RFX2: variants seen among roughly 807,000 people sequenced by gnomAD.
RFX2 encodes the protein regulatory factor X2, also known as DNA-binding protein RFX2.
A neutral mutation model predicts 87.8 loss-of-function variants in RFX2; 20 were observed. The ratio of observed to expected loss-of-function variants is 0.23; its 90% CI spans 0.16 to 0.33. The LOEUF (loss-of-function observed/expected upper bound fraction) is 0.33, where lower values mean the gene tolerates loss of function less well. Among genes scored for constraint, RFX2 ranks in the 10% least tolerant of loss-of-function variants. RFX2 has a pLI of 1.00. For synonymous variants in RFX2, 397 were observed against 431.3 expected, an observed-to-expected ratio of 0.92 and a Z score of 0.98; for missense variants, 767 against 1,012.3, an observed-to-expected ratio of 0.76 and a Z score of 3.29.
rs990973067 is a variant in RFX2 at position 6,064,639 on chromosome 19, G to A, written c.-8-17135C>T. Among the ~76,000 whole-genome samples, 4 of 152,170 alleles carry A rather than the reference G, an allele frequency of 2.6e-5. No homozygotes were observed. The highest frequency in any genetic ancestry group is 1.9e-4 in the East Asian group (1 of 5,192). ...TGTGCCCACCTGGGGATGGGGTCTC[G>A]TCCTGCCTGTGTGACCCTTCCTCCT... On this transcript the variant is annotated intron_variant, in intron 1 of 17. Transcript: ENST00000303657. This position sits in a 1 kb window ranked among gnomAD's most constrained non-coding sequence, Gnocchi z 4.8.
chr19:6,077,518 G>A (rs560392828), intron 1 of RFX2, among the ~76,000 whole-genome samples: 2 of 152,302 alleles, frequency 1.3e-5, no homozygotes, highest in South Asian at 4.1e-4. Context: ...GAGACAAAGA[G>A]CTAGCTATAA....
At position 6,047,609 on chromosome 19, in the gene RFX2, C is replaced by T; in HGVS notation, c.-8-105G>A. Reference sequence around the variant, plus strand: ...GAGGGAAGGAGTAACCAGCTACATTCTTCAAAGTCGAAAGGCAGAGACCCT... The same window carrying T: ...GAGGGAAGGAGTAACCAGCTACATTTTTCAAAGTCGAAAGGCAGAGACCCT... On this transcript the variant is annotated intron_variant, in intron 1 of 17. Transcript: ENST00000303657. The surrounding 1 kb of genome is among the most constrained non-coding windows in gnomAD (Gnocchi z 4.2). 2.2e-6 allele frequency: 2 copies of T among 906,610 alleles called. No homozygotes were observed. Among genetic ancestry groups the T allele is most frequent in the Non-Finnish European group, 3.5e-6 (2 of 579,646 alleles). The allele number at this position is 906,610 out of a possible 1,614,324, so 56.2% of individuals were successfully genotyped here.
intron 1 of RFX2, among the ~76,000 whole-genome samples, chr19:6,076,413 C>T (rs924696861): frequency 2.0e-5 from 3 of 152,186 alleles, no homozygotes; most frequent in Non-Finnish European, 4.4e-5. Flanking sequence ...CCTTACGGTG[C>T]ATCCTAGCTC....
intron 5 of RFX2, among the ~76,000 whole-genome samples, chr19:6,030,450 C>A (rs910321112): frequency 1.1e-4 from 16 of 152,174 alleles, no homozygotes; most frequent in South Asian, 4.1e-4. Flanking sequence ...TAGCCACACA[C>A]AAAAAAATAA....
Position 6,026,970 on chromosome 19 carries a change from G to A in RFX2, c.523-733C>T, listed in dbSNP as rs529534685. Among the ~76,000 whole-genome samples the A allele has an allele frequency of 2.6e-5, 4 of 152,320 alleles. No individual in the cohort carries two copies. Among genetic ancestry groups the A allele is most frequent in the Non-Finnish European group, 5.9e-5 (4 of 68,024 alleles). Reference sequence around the variant, plus strand: ...GATGGAGGTGGGGAGGGAGGTGGGCGGCAGGTCCACGCGATGGAGGAGGCA... The same window carrying A: ...GATGGAGGTGGGGAGGGAGGTGGGCAGCAGGTCCACGCGATGGAGGAGGCA... On this transcript the variant is annotated intron_variant, in intron 5 of 17. Transcript: ENST00000303657. The surrounding 1 kb of genome is among the most constrained non-coding windows in gnomAD (Gnocchi z 4.5).
Position 5,999,929 on chromosome 19 carries a change from C to T in RFX2, c.1859+1886G>A, listed in dbSNP as rs1336861635. ...GTGGCCAGGGGAGTGTGTAAGGAGA[C>T]AGCTGAGAACAGGGGTGCTGGCTGG... is the stretch of plus-strand genomic sequence containing the variant. On this transcript the variant is annotated intron_variant, in intron 15 of 17. Coordinates refer to ENST00000303657, the MANE Select transcript of RFX2 (RefSeq NM_000635.4). The surrounding 1 kb of genome is among the most constrained non-coding windows in gnomAD (Gnocchi z 4.1). Among the ~76,000 whole-genome samples the T allele has an allele frequency of 2.0e-5, 3 of 150,786 alleles. No homozygotes were observed. Among genetic ancestry groups the T allele is most frequent in the Non-Finnish European group, 4.4e-5 (3 of 67,848 alleles).
chr19:6,089,491 C>G (rs962932769), intron 1 of RFX2, among the ~76,000 whole-genome samples: 3 of 152,168 alleles, frequency 2.0e-5, no homozygotes, highest in East Asian at 1.9e-4. Flanking sequence ...ACCTAACCCC[C>G]AATATGACGG....
At chr19:6,082,599 GT>G (rs1343706898) in intron 1 of RFX2, among the ~76,000 whole-genome samples, 1 of 152,014 alleles carries the variant, frequency 6.6e-6, no homozygotes, top group Non-Finnish European at 1.5e-5. Context: ...CTCTCAGCTA[GT>G]TTTTGTATTT....
intron 1 of RFX2, among the ~76,000 whole-genome samples, chr19:6,107,063 A>G (rs539065348): frequency 6.7e-4 from 102 of 152,068 alleles, no homozygotes; most frequent in African/African-American, 2.4e-3. Context: ...TGGGAGGCCA[A>G]GGTGGGCGGA....
chr19:6,047,518 G>A lies in RFX2; in HGVS notation c.-8-14C>T. ...GCATGCTCAGGTCTAAAGAAAGGCGGAGAGAGATTGGGTGGGCAAGGGCTG... is the reference window on the plus strand; with the variant it reads ...GCATGCTCAGGTCTAAAGAAAGGCGAAGAGAGATTGGGTGGGCAAGGGCTG... On this transcript the variant is annotated splice_polypyrimidine_tract_variant and intron_variant, in intron 1 of 17. Transcript: ENST00000303657. The surrounding 1 kb of genome is among the most constrained non-coding windows in gnomAD (Gnocchi z 4.2). The A allele has an allele frequency of 6.3e-7, 1 of 1,590,164 alleles. No homozygotes were observed.
chr19:6,007,903 G>A lies in RFX2; in HGVS notation c.1135-101C>T, dbSNP rs758644329. The A allele has an allele frequency of 1.1e-6, 1 of 926,976 alleles. No homozygotes were observed. The highest frequency in any genetic ancestry group is 1.5e-5 in the South Asian group (1 of 68,376). The allele number at this position is 926,976 out of a possible 1,614,324, so 57.4% of individuals were successfully genotyped here. A position where few individuals can be genotyped will look rare whatever the true frequency, so the allele number is the denominator to read the frequency against. On this transcript the variant is annotated intron_variant, in intron 10 of 17. Transcript: ENST00000303657. This position sits in a 1 kb window ranked among gnomAD's most constrained non-coding sequence, Gnocchi z 8.2. ...GCCGTGATCCGGGCTACAGCGGGGTGCCCTGGAATCCCAAGGGAGGCCACA... is the reference window on the plus strand; with the variant it reads ...GCCGTGATCCGGGCTACAGCGGGGTACCCTGGAATCCCAAGGGAGGCCACA...
rs2086456061 is a variant in RFX2 at position 5,998,987 on chromosome 19, G to A, written c.1860-1774C>T. 6.6e-6 allele frequency among the ~76,000 whole-genome samples: 1 copy of A among 152,224 alleles called. No individual in the cohort carries two copies. Among genetic ancestry groups the A allele is most frequent in the African/African-American group, 2.4e-5 (1 of 41,458 alleles). On this transcript the variant is annotated intron_variant, in intron 15 of 17. Transcript: ENST00000303657. This position sits in a 1 kb window ranked among gnomAD's most constrained non-coding sequence, Gnocchi z 4.2. ...AGAATGAAGTCAGACCAGGCGTGGT[G>A]GCTCATGACTGGAATCGCAGCACTT...
intron 1 of RFX2, among the ~76,000 whole-genome samples, chr19:6,071,335 G>A (rs1401048722): frequency 2.6e-5 from 4 of 152,136 alleles, no homozygotes; most frequent in African/African-American, 9.7e-5. Flanking sequence ...TCAGCCTGAC[G>A]GGAGGAGGTC....
intron 5 of RFX2, among the ~76,000 whole-genome samples, chr19:6,029,997 A>C (rs1357971699): frequency 6.6e-6 from 1 of 152,240 alleles, no homozygotes; most frequent in Non-Finnish European, 1.5e-5. Context: ...CTTGTGGGAC[A>C]CCACCAAGCT....
At chr19:6,079,071 C>T (rs2087739015) in intron 1 of RFX2, among the ~76,000 whole-genome samples, 1 of 152,252 alleles carries the variant, frequency 6.6e-6, no homozygotes. Flanking sequence ...CCACGGCGCC[C>T]GGCCATTACT....
At position 6,047,447 on chromosome 19, in the gene RFX2, C is replaced by A; in HGVS notation, c.50G>T (p.Arg17Leu). 6.2e-7 allele frequency: 1 copy of A among 1,604,690 alleles called. No individual in the cohort carries two copies. Among genetic ancestry groups the A allele is most frequent in the Admixed American group, 1.7e-5 (1 of 58,870 alleles). ...CACAGGCGGGGCTGCCGCCGAGGGA[C>A]GCAGAGCCACGGACGCTGGCGAATC... The part of the protein sequence containing the change: ...GADSPASVAL[R>L]PSAAAPPVPA... The change falls in exon 2 of 18, where the codon CGT becomes CTT. Residue 17 changes from arginine (R) to leucine (L), a missense_variant. Physicochemically the swap from Arg to Leu is moderately radical, Grantham distance 102. This residue lies in a region of RFX2 where 146 missense variants were observed against 139.2 expected (regional missense o/e 1.05). Transcript: ENST00000303657. The surrounding 1 kb of genome is among the most constrained non-coding windows in gnomAD (Gnocchi z 4.2).
chr19:6,101,595 T>TA lies in RFX2; in HGVS notation c.-9+8797dup, dbSNP rs1424957840. Among the ~76,000 whole-genome samples, 1 of 152,250 alleles carries TA rather than the reference T, an allele frequency of 6.6e-6. No individual in the cohort carries two copies. The highest frequency in any genetic ancestry group is 6.5e-5 in the Admixed American group (1 of 15,292). ...GTATAATTAAGTGCTGTTGCAGCTT[T>TA]AGGAATGGACTTCTATATCATTGGT... On this transcript the variant is annotated intron_variant, in intron 1 of 17. Transcript: ENST00000303657. The surrounding 1 kb of genome is among the most constrained non-coding windows in gnomAD (Gnocchi z 4.9).
Position 6,023,485 on chromosome 19 carries a change from T to C in RFX2, c.597+2678A>G, listed in dbSNP as rs1003386263. 3.3e-5 allele frequency among the ~76,000 whole-genome samples: 5 copies of C among 152,256 alleles called. No individual in the cohort carries two copies. The highest frequency in any genetic ancestry group is 1.2e-4 in the African/African-American group (5 of 41,466). ...CTCTCACATTTGCCAAAACAAGATC[T>C]AAGTTTATTCTGCCCGTGTGTGTGG... On this transcript the variant is annotated intron_variant, in intron 6 of 17. Transcript: ENST00000303657. This position sits in a 1 kb window ranked among gnomAD's most constrained non-coding sequence, Gnocchi z 4.9.
At position 6,002,428 on chromosome 19, in the gene RFX2, G is replaced by T. The variant is rs2144672426; in HGVS notation, c.1650+293C>A. ...CCCAGGGGACAGAGCCAGGAAAATG[G>T]CCACAGGGAGGTCAACGTGGTGCCA... On this transcript the variant is annotated intron_variant, in intron 14 of 17. Coordinates refer to ENST00000303657, the MANE Select transcript of RFX2 (RefSeq NM_000635.4). The surrounding 1 kb of genome is among the most constrained non-coding windows in gnomAD (Gnocchi z 6.7). 6.6e-6 allele frequency among the ~76,000 whole-genome samples: 1 copy of T among 152,364 alleles called. No individual in the cohort carries two copies. The highest frequency in any genetic ancestry group is 1.5e-5 in the Non-Finnish European group (1 of 68,032).
Sources: allele counts gnomAD v4.1 joint callset (sites outside exome capture counted in the v4.1 genomes callset), GRCh38; gene constraint gnomAD v4.1.1; regional missense constraint gnomAD v4.1.1; non-coding constraint Gnocchi (gnomAD v3.1); transcripts MANE v1.5; gene names NCBI Gene and HGNC (gene_info 2026-07-23, HGNC 2026-07-21).